FNDC1: variants seen among roughly 807,000 people sequenced by gnomAD.
FNDC1 encodes fibronectin type III domain containing 1, also known as fibronectin type III domain-containing protein 1.
A neutral mutation model predicts 168.0 loss-of-function variants in FNDC1; 96 were observed. The observed-to-expected ratio is 0.57, with a 90% CI of 0.48 to 0.68. The LOEUF (loss-of-function observed/expected upper bound fraction) is 0.68, where lower values mean the gene tolerates loss of function less well. Ranked by LOEUF, FNDC1 falls within the 30% of genes least tolerant of loss-of-function variation. The pLI, the probability that FNDC1 is intolerant of heterozygous loss-of-function variation, is 0.00. For synonymous variants in FNDC1, 1,099 were observed against 1,025.9 expected, an observed-to-expected ratio of 1.07 and a Z score of -1.36; for missense variants, 2,587 against 2,482.1, an observed-to-expected ratio of 1.04 and a Z score of -0.90.
Position 159,266,229 on chromosome 6 carries a change from C to T in FNDC1, c.5430C>T (p.Leu1810=). Residue 1810 remains leucine, a synonymous_variant, in exon 21 of 23, where the codon CTC becomes CTT. Coordinates refer to ENST00000297267, the MANE Select transcript of FNDC1 (RefSeq NM_032532.3). ...ATTCACTGAGGTATAAAATCTACCT[C>T]AGTGACAACCTGAAAGGTAAGTCTT... The part of the protein sequence containing the change: ...LCNSLRYKIY[L]SDNLKDTFYS... The T allele has an allele frequency of 6.2e-7, 1 of 1,613,936 alleles. No homozygotes were observed. Among genetic ancestry groups the T allele is most frequent in the Non-Finnish European group, 8.5e-7 (1 of 1,179,852 alleles).
rs754094035 is a variant in FNDC1, at chr6:159,200,587, A to G, written c.460+6A>G. The G allele has an allele frequency of 6.3e-7, 1 of 1,582,468 alleles. No homozygotes were observed. The highest frequency in any genetic ancestry group is 1.2e-5 in the South Asian group (1 of 86,274). ...ATTTAATGAAACCGTCACAGGTACT[A>G]CTTCCTCCTTCATGTCAGATTCATG... is the stretch of plus-strand genomic sequence containing the variant. On this transcript the variant is annotated splice_donor_region_variant and intron_variant, in intron 4 of 22. Coordinates refer to ENST00000297267, the MANE Select transcript of FNDC1 (RefSeq NM_032532.3).
At position 159,233,139 on chromosome 6, in the gene FNDC1, A is replaced by G; in HGVS notation, c.2627A>G (p.His876Arg). The G allele has an allele frequency of 6.2e-7, 1 of 1,605,194 alleles. No homozygotes were observed. The highest frequency in any genetic ancestry group is 1.3e-5 in the African/African-American group (1 of 74,734). Reference protein sequence around the residue: ...DSHPKLSSGIHGDEEDEKPLP... With the variant: ...DSHPKLSSGIRGDEEDEKPLP... ...CACCCTAAGCTTAGCTCAGGTATCC[A>G]TGGAGACGAGGAGGATGAGAAGCCG... The change falls in exon 11 of 23, where the codon CAT becomes CGT. Residue 876 changes from histidine (H) to arginine (R), a missense_variant. Physicochemically the swap from His to Arg is conservative, Grantham distance 29. Transcript: ENST00000297267. This position sits in a 1 kb window ranked among gnomAD's most constrained non-coding sequence, Gnocchi z 4.6.
chr6:159,172,902 C>T (rs552313049), intron 1 of FNDC1, among the ~76,000 whole-genome samples: 9 of 152,130 alleles, frequency 5.9e-5, no homozygotes, highest in Non-Finnish European at 8.8e-5. Context: ...ATAAGCAGAT[C>T]GGAGATATTC....
At chr6:159,211,127 G>T (rs952772697) in intron 4 of FNDC1, among the ~76,000 whole-genome samples, 3 of 152,230 alleles carry the variant, frequency 2.0e-5, no homozygotes, top group Non-Finnish European at 2.9e-5. Context: ...TGGGGCAGCT[G>T]CCTGGGGTAA....
chr6:159,233,122 G>C lies in FNDC1; in HGVS notation c.2610G>C (p.Lys870Asn). The C allele has an allele frequency of 6.2e-7, 1 of 1,603,524 alleles. No homozygotes were observed. ...RVPSHSDSHP[K>N]LSSGIHGDEE... ...CCTCTCACTCTGATTCCCACCCTAAGCTTAGCTCAGGTATCCATGGAGACG... is the reference window on the plus strand; with the variant it reads ...CCTCTCACTCTGATTCCCACCCTAACCTTAGCTCAGGTATCCATGGAGACG... The change falls in exon 11 of 23, where the codon AAG becomes AAC. Residue 870 changes from lysine (K) to asparagine (N), a missense_variant. Lys to Asn is a moderately conservative substitution (Grantham distance 94). Coordinates refer to ENST00000297267, the MANE Select transcript of FNDC1 (RefSeq NM_032532.3). This position sits in a 1 kb window ranked among gnomAD's most constrained non-coding sequence, Gnocchi z 4.6.
At chr6:159,268,991 T>TATCCATCCATCCATCC (rs199923245) in intron 22 of FNDC1, among the ~76,000 whole-genome samples, 1 of 130,374 alleles carries the variant, frequency 7.7e-6, no homozygotes, top group Non-Finnish European at 1.6e-5. Context: ...TGTATCTATT[T>TATCCATCCATCCATCC]ATCCATCCAT....
chr6:159,212,376 A>G (rs1019341063), intron 4 of FNDC1, among the ~76,000 whole-genome samples: 2 of 152,238 alleles, frequency 1.3e-5, no homozygotes, highest in Non-Finnish European at 2.9e-5. Context: ...CCCAGAGAGA[A>G]CACTTAAATA....
intron 1 of FNDC1, among the ~76,000 whole-genome samples, chr6:159,193,686 T>C (rs574892886): frequency 6.6e-6 from 1 of 152,188 alleles, no homozygotes; most frequent in East Asian, 1.9e-4. Context: ...AGGACAGACA[T>C]TGAAGAGCCA....
intron 11 of FNDC1, 35 bp from the exon 12 acceptor site, chr6:159,236,180 C>A: frequency 6.7e-7 from 1 of 1,499,126 alleles, no homozygotes; most frequent in Admixed American, 1.7e-5. Flanking sequence ...TTGAATTTAC[C>A]AGGCTCTGTT....
chr6:159,252,246 T>A (rs1028061364), intron 17 of FNDC1, among the ~76,000 whole-genome samples: 3 of 152,214 alleles, frequency 2.0e-5, no homozygotes, highest in Non-Finnish European at 2.9e-5. Flanking sequence ...CTCTGAGCTG[T>A]GTAAGAGGAA....
chr6:159,199,953 T>G, intron 2 of FNDC1, 43 bp from the exon 3 acceptor site: 35 of 1,497,912 alleles, frequency 2.3e-5, no homozygotes, highest in Non-Finnish European at 3.1e-5. Context: ...GTGTCATTCT[T>G]GGAGATCTGA....
chr6:159,194,707 G>A (rs947280798), intron 1 of FNDC1, among the ~76,000 whole-genome samples: 1 of 152,148 alleles, frequency 6.6e-6, no homozygotes, highest in African/African-American at 2.4e-5. Context: ...CCAAGGATAA[G>A]TTTTCAGTCA....
chr6:159,207,293 G>A (rs558757861), intron 4 of FNDC1, among the ~76,000 whole-genome samples: 42 of 152,290 alleles, frequency 2.8e-4, no homozygotes, highest in African/African-American at 9.6e-4. Context: ...AGAGGCTGAT[G>A]AGCGACTGTT....
intron 5 of FNDC1, among the ~76,000 whole-genome samples, chr6:159,218,022 G>T (rs372624216): frequency 9.8e-4 from 149 of 152,218 alleles, no homozygotes; most frequent in African/African-American, 3.6e-3. Context: ...ATTCTGCCCG[G>T]CATATCAGCA....
chr6:159,261,320 T>A, intron 19 of FNDC1, 51 bp downstream of exon 19: 1 of 1,265,246 alleles, frequency 7.9e-7, no homozygotes, highest in Middle Eastern at 1.9e-4. Flanking sequence ...GAAAATGAAA[T>A]AAATAATCTA....
intron 22 of FNDC1, 108 bp downstream of exon 22, chr6:159,268,034 G>A (rs1777626374): frequency 8.8e-7 from 1 of 1,142,150 alleles, no homozygotes. Flanking sequence ...TTCGAAGATG[G>A]ATGTTGGGAG....
Position 159,234,670 on chromosome 6 carries a change from A to C in FNDC1, c.3967+191A>C, listed in dbSNP as rs549685341. 1.9e-3 allele frequency among the ~76,000 whole-genome samples: 294 copies of C among 152,356 alleles called. 1 individual carries two copies. Among genetic ancestry groups the C allele is most frequent in the Non-Finnish European group, 2.7e-3 (183 of 68,028 alleles). On this transcript the variant is annotated intron_variant, in intron 11 of 22. Coordinates refer to ENST00000297267, the MANE Select transcript of FNDC1 (RefSeq NM_032532.3). ...TTGCATTGTTATCCCTGTTTTCCAG[A>C]TGCAGAAGCTGCGGCTCAGGATCTG... is the stretch of plus-strand genomic sequence containing the variant.
At chr6:159,187,218 T>C (rs1390669836) in intron 1 of FNDC1, among the ~76,000 whole-genome samples, 1 of 152,162 alleles carries the variant, frequency 6.6e-6, no homozygotes. Context: ...AGTTAGAGTT[T>C]CATGGGGAAA....
At chr6:159,257,905 CTTTT>C (rs142754305) in intron 18 of FNDC1, among the ~76,000 whole-genome samples, 201 of 131,564 alleles carry the variant, frequency 1.5e-3, no homozygotes, top group Middle Eastern at 3.9e-3. Flanking sequence ...GAGTCAATGT[CTTTT>C]TTTTTTTTTT....
Sources: allele counts gnomAD v4.1 joint callset (sites outside exome capture counted in the v4.1 genomes callset), GRCh38; gene constraint gnomAD v4.1.1; non-coding constraint Gnocchi (gnomAD v3.1); transcripts MANE v1.5; gene names NCBI Gene and HGNC (gene_info 2026-07-23, HGNC 2026-07-21).